The following CASK variants were observed in gnomAD, a reference collection of about 807,000 sequenced individuals.
CASK encodes the protein calcium/calmodulin dependent serine protein kinase, also known as peripheral plasma membrane protein CASK.
In CASK, 4 loss-of-function variants were observed where a neutral mutation model predicts 82.9. That is an observed-to-expected ratio of 0.05 (90% CI 0.02 to 0.11). The LOEUF (loss-of-function observed/expected upper bound fraction) is 0.11, where lower values mean the gene tolerates loss of function less well. CASK is among the 10% of genes least tolerant of loss of function. The pLI is 1.00. For synonymous variants in CASK, 259 were observed against 253.5 expected (o/e 1.02, Z -0.20); for missense variants, 358 against 720.9 (o/e 0.50, Z 5.76).
intron 26 of CASK, chrX:41,522,964 C>T (rs758932881): frequency 4.4e-5 from 5 of 112,369 alleles, no homozygotes; most frequent in Non-Finnish European, 9.4e-5. Context: ...AAAAGAAACA[C>T]GGCTGTATTT....
chrX:41,905,608 A>G (rs748399692), intron 1 of CASK, among the ~76,000 whole-genome samples: 5 of 113,234 alleles, frequency 4.4e-5, no homozygotes, highest in Admixed American at 1.9e-4. Flanking sequence ...AGTGGCTACA[A>G]TATAAAGCAG....
chrX:41,708,342 C>T lies in CASK; in HGVS notation c.429+31042G>A, dbSNP rs534586145. On this transcript the variant is annotated intron_variant, in intron 5 of 26. Transcript: ENST00000378163. ...CTTTTAAAACTATGTCCATCAATTT[C>T]TATGATTAAAAAAAGTTAAAGAAAA... is the stretch of plus-strand genomic sequence containing the variant. Among the ~76,000 whole-genome samples the T allele has an allele frequency of 4.5e-5, 5 of 111,134 alleles. No homozygotes were observed. The South Asian group carries it at 1.5e-3, about 33-fold the overall frequency.
At chrX:41,832,046 AC>A (rs1192660251) in intron 2 of CASK, among the ~76,000 whole-genome samples, 3 of 110,731 alleles carry the variant, frequency 2.7e-5, no homozygotes, top group African/African-American at 9.8e-5. Flanking sequence ...AAAAAAAAAA[AC>A]ACTAAGCTTT....
rs1160895526 is a variant in CASK at position 41,844,108 on chromosome X, T to TA, written c.172+9006dup. Among the ~76,000 whole-genome samples the TA allele has an allele frequency of 8.9e-5, 10 of 111,935 alleles. No individual in the cohort carries two copies. In the East Asian group the frequency reaches 2.2e-3, roughly 25 times the overall value. On this transcript the variant is annotated intron_variant, in intron 2 of 26. Transcript: ENST00000378163. Reference sequence around the variant, plus strand: ...TTCTGAAGAACTACAGAACATTTTTTAAATTGCTAAACTCAGTTTGATAGT... The same window carrying TA: ...TTCTGAAGAACTACAGAACATTTTTTAAAATTGCTAAACTCAGTTTGATAGT...
chrX:41,771,827 C>T (rs932252210), intron 3 of CASK, among the ~76,000 whole-genome samples: 5 of 110,509 alleles, frequency 4.5e-5, no homozygotes, highest in African/African-American at 6.6e-5. Context: ...TCAAAATATA[C>T]TAAAATATAA....
intron 8 of CASK, among the ~76,000 whole-genome samples, chrX:41,644,034 T>G (rs2066709736): frequency 8.9e-6 from 1 of 112,287 alleles, no homozygotes; most frequent in Non-Finnish European, 1.9e-5. Context: ...GAGGTAATCA[T>G]GTGGTTTTTG....
intron 2 of CASK, among the ~76,000 whole-genome samples, chrX:41,844,709 T>C (rs1309131360): frequency 9.0e-6 from 1 of 111,662 alleles, no homozygotes; most frequent in Admixed American, 9.5e-5. Context: ...TCTCCTATAA[T>C]CCTTATTACT....
chrX:41,578,562 C>T lies in CASK; in HGVS notation c.1315-34G>A, dbSNP rs146848486. 1.7e-4 allele frequency: 163 copies of T among 971,007 alleles called. No homozygotes were observed. In the African/African-American group the frequency reaches 2.8e-3, roughly 17 times the overall value. The allele number at this position is 971,007 out of a possible 1,213,427, so 80.0% of individuals were successfully genotyped here. On this transcript the variant is annotated intron_variant, in intron 14 of 26. Coordinates refer to ENST00000378163, the MANE Select transcript of CASK (RefSeq NM_001367721.1). ...TTATGAAGAAAAAAATTATTAATAACATTACTATTTCAGCAGAAATTTATT... is the reference window on the plus strand; with the variant it reads ...TTATGAAGAAAAAAATTATTAATAATATTACTATTTCAGCAGAAATTTATT...
At chrX:41,773,253 T>C (rs1313284140) in intron 3 of CASK, among the ~76,000 whole-genome samples, 2 of 107,675 alleles carry the variant, frequency 1.9e-5, no homozygotes, top group East Asian at 5.8e-4. Context: ...ACGCCTGTGG[T>C]TCCAGCTACT....
intron 5 of CASK, among the ~76,000 whole-genome samples, chrX:41,677,254 G>T (rs2067283102): frequency 9.0e-6 from 1 of 110,873 alleles, no homozygotes; most frequent in Non-Finnish European, 1.9e-5. Context: ...TGTAAATTTG[G>T]GAATCAACAG....
intron 3 of CASK, among the ~76,000 whole-genome samples, chrX:41,750,251 C>T (rs963546462): frequency 8.9e-6 from 1 of 112,160 alleles, no homozygotes; most frequent in Non-Finnish European, 1.9e-5. Flanking sequence ...TTTTATTCAA[C>T]GAAATTTAAA....
rs184471744 is a variant in CASK, at chrX:41,805,708, G to C, written c.173-18425C>G. On this transcript the variant is annotated intron_variant, in intron 2 of 26. Coordinates refer to ENST00000378163, the MANE Select transcript of CASK (RefSeq NM_001367721.1). ...CAACTAGGTTAACAGCTCCAGGATG[G>C]AAGAGCCAGGAGTAGCCAAATGATA... Among the ~76,000 whole-genome samples the C allele has an allele frequency of 9.3e-3, 1,035 of 111,411 alleles. 10 individuals are homozygous for C. Among genetic ancestry groups the C allele is most frequent in the Non-Finnish European group, 0.015 (805 of 53,019 alleles).
intron 14 of CASK, chrX:41,583,810 T>C (rs1020322768): frequency 1.8e-5 from 2 of 111,200 alleles, no homozygotes; most frequent in African/African-American, 6.6e-5. Context: ...GGTGCCATCA[T>C]GGCTCACTTC....
chrX:41,533,410 G>A (rs189327188), intron 24 of CASK, among the ~76,000 whole-genome samples: 113 of 112,088 alleles, frequency 1.0e-3, no homozygotes, highest in African/African-American at 3.5e-3. Flanking sequence ...TGCCAAATGA[G>A]ACACTATTGG....
At chrX:41,601,906 C>G (rs1272768720) in intron 12 of CASK, among the ~76,000 whole-genome samples, 1 of 111,292 alleles carries the variant, frequency 9.0e-6, no homozygotes. Flanking sequence ...AAGACTATCC[C>G]CCTTTCCATG....
At chrX:41,568,223 GAAGTTA>G (rs1241729784) in intron 16 of CASK, among the ~76,000 whole-genome samples, 1 of 106,729 alleles carries the variant, frequency 9.4e-6, no homozygotes, top group African/African-American at 3.4e-5. Flanking sequence ...ATGTACCCTA[GAAGTTA>G]AAGTATAATA....
intron 5 of CASK, among the ~76,000 whole-genome samples, chrX:41,693,014 G>A (rs2067603599): frequency 9.0e-6 from 1 of 111,553 alleles, no homozygotes; most frequent in Non-Finnish European, 1.9e-5. Flanking sequence ...GGTACAGAGA[G>A]CCGAACAAAA....
chrX:41,559,951 G>A, intron 17 of CASK, 104 bp from the exon 18 acceptor site: 1 of 637,669 alleles, frequency 1.6e-6, no homozygotes. Flanking sequence ...ATTAGCACAA[G>A]CCATCTGAGA....
At chrX:41,672,333 C>G (rs1314490350) in intron 5 of CASK, among the ~76,000 whole-genome samples, 3 of 110,657 alleles carry the variant, frequency 2.7e-5, no homozygotes, top group Non-Finnish European at 5.7e-5. Context: ...GCATCTATTT[C>G]TTACTGGGAC....
Sources: gnomAD v4.1 joint callset for allele counts (sites outside exome capture counted in the v4.1 genomes callset) on GRCh38, gnomAD v4.1.1 for gene constraint, MANE v1.5 for transcripts, NCBI Gene and HGNC (gene_info 2026-07-23, HGNC 2026-07-21) for gene names.